The following ATP8A2 variants were observed in gnomAD, a reference collection of about 807,000 sequenced individuals.
ATP8A2 encodes the protein ATPase phospholipid transporting 8A2, also known as phospholipid-transporting ATPase IB.
In ATP8A2, 100 loss-of-function variants were observed where a neutral mutation model predicts 165.6. The ratio of observed to expected loss-of-function variants is 0.60; its 90% CI spans 0.51 to 0.71. The LOEUF is 0.71. Ranked by LOEUF, ATP8A2 falls within the 30% of genes least tolerant of loss-of-function variation. The pLI is 0.00. For missense variants in ATP8A2, 1,227 were observed against 1,479.5 expected (o/e 0.83, Z 2.80); for synonymous variants, 543 against 548.8 (o/e 0.99, Z 0.15).
At chr13:25,780,875 G>A (rs993036481) in intron 27 of ATP8A2, among the ~76,000 whole-genome samples, 5 of 152,240 alleles carry the variant, frequency 3.3e-5, no homozygotes, top group African/African-American at 1.2e-4. Context: ...CTATGTGGTC[G>A]GGTTTGCAAC....
chr13:25,689,275 C>G (rs1008653896), intron 24 of ATP8A2, among the ~76,000 whole-genome samples: 1 of 152,176 alleles, frequency 6.6e-6, no homozygotes, highest in East Asian at 1.9e-4. Context: ...ATGACTATAC[C>G]GCTTATGTGC....
intron 24 of ATP8A2, among the ~76,000 whole-genome samples, chr13:25,594,056 T>C (rs2138325410): frequency 6.6e-6 from 1 of 152,348 alleles, no homozygotes; most frequent in East Asian, 1.9e-4. Flanking sequence ...AACTTTGTCC[T>C]AAATGTATAT....
In ATP8A2 at chr13:26,024,898, A is replaced by G. The variant is rs1957139267; in HGVS notation, c.*4913A>G. ...AGAAGAAAGTTGGAGTAATAGCACT[A>G]TCCAAATAACCCTGCCCAGGAAACT... is the stretch of plus-strand genomic sequence containing the variant. On this transcript the variant is annotated 3_prime_UTR_variant, in exon 37 of 37. Transcript: ENST00000381655. 1 of 151,932 alleles carries G rather than the reference A, an allele frequency of 6.6e-6. No homozygotes were observed. Among genetic ancestry groups the G allele is most frequent in the Admixed American group, 6.5e-5 (1 of 15,268 alleles). 9.4% of individuals were successfully genotyped at this position (151,932 alleles called of 1,614,324 possible).
At chr13:25,718,216 TGTC>T (rs10553311) in intron 25 of ATP8A2, among the ~76,000 whole-genome samples, 36,691 of 151,968 alleles carry the variant, frequency 0.24, 6,629 homozygotes, top group African/African-American at 0.51. Context: ...TCATTTATTT[TGTC>T]GTAATAAAAT....
intron 25 of ATP8A2, among the ~76,000 whole-genome samples, chr13:25,766,343 A>G (rs1158909378): frequency 6.6e-6 from 1 of 152,222 alleles, no homozygotes; most frequent in South Asian, 2.1e-4. Context: ...TTATGACCCA[A>G]CAACTTAGCA....
Position 25,860,805 on chromosome 13 carries a change from ATGT to A in ATP8A2, c.3028_3030del (p.Val1010del). ...CCAAACTGTCTTTTATTTTCACAGT[ATGT>A]TGTTGTTACTGTTTGTCTGAAAGCT... On this transcript the variant is annotated inframe_deletion and splice_region_variant, in exon 32 of 37. Coordinates refer to ENST00000381655, the MANE Select transcript of ATP8A2 (RefSeq NM_016529.6). 1 of 1,593,158 alleles carries A rather than the reference ATGT, an allele frequency of 6.3e-7. No individual in the cohort carries two copies.
chr13:25,533,419 T>C lies in ATP8A2; in HGVS notation c.507+106T>C, dbSNP rs183854894. 178 of 649,610 alleles carry C rather than the reference T, an allele frequency of 2.7e-4. No homozygotes were observed. In the African/African-American group the frequency reaches 3.0e-3, roughly 11 times the overall value. The allele number at this position is 649,610 out of a possible 1,614,324, so 40.2% of individuals were successfully genotyped here. A position where few individuals can be genotyped will look rare whatever the true frequency, so the allele number is the denominator to read the frequency against. ...AGTTTCTGTTAGACACAGTAGAGTT[T>C]TCCATGAGGTCTGCTGAGACCTGAT... On this transcript the variant is annotated intron_variant, in intron 6 of 36. Transcript: ENST00000381655.
intron 33 of ATP8A2, among the ~76,000 whole-genome samples, chr13:25,920,304 A>G (rs550002905): frequency 6.6e-6 from 1 of 151,522 alleles, no homozygotes; most frequent in Admixed American, 6.6e-5. Context: ...CACGTGTATG[A>G]CCTCCAAATC....
At chr13:25,786,083 T>A (rs1222094430) in intron 27 of ATP8A2, among the ~76,000 whole-genome samples, 1 of 152,102 alleles carries the variant, frequency 6.6e-6, no homozygotes, top group African/African-American at 2.4e-5. Context: ...CAATTCGTCA[T>A]TTTTTTTCTT....
chr13:26,009,644 G>T (rs1327840849), intron 35 of ATP8A2, among the ~76,000 whole-genome samples: 1 of 152,176 alleles, frequency 6.6e-6, no homozygotes, highest in Admixed American at 6.5e-5. Flanking sequence ...AATAACTGAG[G>T]TGGTGGATGG....
At chr13:25,458,944 C>A (rs1013303723) in intron 1 of ATP8A2, among the ~76,000 whole-genome samples, 1 of 152,092 alleles carries the variant, frequency 6.6e-6, no homozygotes, top group African/African-American at 2.4e-5. Flanking sequence ...GCAGAGGGAG[C>A]CCAGGTGAGG....
At chr13:25,949,148 G>A (rs1955283497) in intron 33 of ATP8A2, among the ~76,000 whole-genome samples, 1 of 152,238 alleles carries the variant, frequency 6.6e-6, no homozygotes, top group South Asian at 2.1e-4. Flanking sequence ...TTCAGGTAGT[G>A]CAGCCAGCAG....
intron 1 of ATP8A2, among the ~76,000 whole-genome samples, chr13:25,390,045 A>C (rs1450767748): frequency 1.3e-5 from 2 of 152,176 alleles, no homozygotes; most frequent in African/African-American, 4.8e-5. Context: ...CCCAGGCTGG[A>C]GTGCAGTGGT....
intron 35 of ATP8A2, among the ~76,000 whole-genome samples, chr13:25,980,453 A>AG (rs1392650201): frequency 6.6e-6 from 1 of 152,178 alleles, no homozygotes; most frequent in Non-Finnish European, 1.5e-5. Context: ...GAAGGCCTGT[A>AG]GGGGGAGTGG....
chr13:25,430,121 G>A (rs1351644579), intron 1 of ATP8A2, among the ~76,000 whole-genome samples: 1 of 152,182 alleles, frequency 6.6e-6, no homozygotes, highest in East Asian at 1.9e-4. Context: ...AGCTGGAGGA[G>A]CAGTCAGGAC....
chr13:25,464,000 C>T (rs1042042276), intron 1 of ATP8A2, among the ~76,000 whole-genome samples: 1 of 152,158 alleles, frequency 6.6e-6, no homozygotes. Context: ...TTCTCCAACC[C>T]CGGGCAGAAA....
chr13:25,744,325 A>AC (rs138866684), intron 25 of ATP8A2, among the ~76,000 whole-genome samples: 2,428 of 148,530 alleles, frequency 0.016, 94 homozygotes, highest in African/African-American at 0.056. Context: ...CTCACTCACC[A>AC]CCCCCCCGTG....
At chr13:25,608,395 C>T (rs749186669) in intron 24 of ATP8A2, among the ~76,000 whole-genome samples, 1 of 152,192 alleles carries the variant, frequency 6.6e-6, no homozygotes, top group South Asian at 2.1e-4. Context: ...AGGTTGTAGA[C>T]ATAGGATTAC....
In ATP8A2 at chr13:25,533,292, G is replaced by T; in HGVS notation, c.486G>T (p.Trp162Cys). 1 of 1,514,542 alleles carries T rather than the reference G, an allele frequency of 6.6e-7. No homozygotes were observed. The highest frequency in any genetic ancestry group is 9.1e-7 in the Non-Finnish European group (1 of 1,093,078). The allele number at this position is 1,514,542 out of a possible 1,614,324, so 93.8% of individuals were successfully genotyped here. A position where few individuals can be genotyped will look rare whatever the true frequency, so the allele number is the denominator to read the frequency against. The change falls in exon 6 of 37, where the codon TGG becomes TGT. Residue 162 changes from tryptophan (W) to cysteine (C), a missense_variant. Trp to Cys is a radical substitution (Grantham distance 215). Transcript: ENST00000381655. The part of the protein sequence containing the change: ...KKTIVLRNGM[W>C]HTIMWKEVAV... ...TTTCAGTGTTAAGAAATGGTATGTGGCATACCATTATGTGGAAAGAGGTAA... is the reference window on the plus strand; with the variant it reads ...TTTCAGTGTTAAGAAATGGTATGTGTCATACCATTATGTGGAAAGAGGTAA...
Sources: allele counts gnomAD v4.1 joint callset (sites outside exome capture counted in the v4.1 genomes callset), GRCh38; gene constraint gnomAD v4.1.1; transcripts MANE v1.5; gene names NCBI Gene and HGNC (gene_info 2026-07-23, HGNC 2026-07-21).